The following TNS1 variants were observed in gnomAD, a reference collection of about 807,000 sequenced individuals.
TNS1 encodes tensin 1, also known as tensin-1.
TNS1 carries 62 observed loss-of-function variants against 168.6 expected under a neutral mutation model. The ratio of observed to expected loss-of-function variants is 0.37; its 90% CI spans 0.30 to 0.45. The LOEUF is 0.45. Ranked by LOEUF, TNS1 falls within the 20% of genes least tolerant of loss-of-function variation. TNS1 has a pLI of 1.00. For synonymous variants in TNS1, 934 were observed against 933.2 expected (o/e 1.00, Z -0.02); for missense variants, 2,240 against 2,339.4 (o/e 0.96, Z 0.88).
chr2:217,826,950 AT>A (rs1277502425), intron 22 of TNS1, among the ~76,000 whole-genome samples: 4 of 152,128 alleles, frequency 2.6e-5, no homozygotes, highest in Non-Finnish European at 5.9e-5. Context: ...CCTAACTAAA[AT>A]CAAGACATGT....
chr2:217,929,584 A>G (rs1956208154), intron 3 of TNS1, among the ~76,000 whole-genome samples: 1 of 152,102 alleles, frequency 6.6e-6, no homozygotes, highest in South Asian at 2.1e-4. Context: ...ACCCGTCAGC[A>G]TCCTGGTTTC....
Position 217,913,039 on chromosome 2 carries a change from C to G in TNS1, c.229-5788G>C, listed in dbSNP as rs543006275. On this transcript the variant is annotated intron_variant, in intron 4 of 32. Transcript: ENST00000682258. ...TAAGACCTCTGAGGTCTGCACCTCC[C>G]AGAGCCCTGTGCTCTCCCCTCGCTC... Among the ~76,000 whole-genome samples the G allele has an allele frequency of 5.3e-5, 8 of 152,296 alleles. No individual in the cohort carries two copies. The East Asian group carries it at 1.5e-3, about 29-fold the overall frequency.
intron 21 of TNS1, among the ~76,000 whole-genome samples, chr2:217,834,366 C>A (rs745681634): frequency 6.6e-6 from 1 of 152,258 alleles, no homozygotes; most frequent in Non-Finnish European, 1.5e-5. Context: ...CTGACCCAGG[C>A]CTCTCCTGAG....
chr2:217,810,148 G>T, intron 29 of TNS1, 100 bp downstream of exon 29: 1 of 1,468,620 alleles, frequency 6.8e-7, no homozygotes, highest in Non-Finnish European at 9.4e-7. Context: ...AGAGACATTT[G>T]GGCCTGGAGA....
intron 6 of TNS1, among the ~76,000 whole-genome samples, chr2:217,902,874 G>A (rs1953178936): frequency 6.6e-6 from 1 of 152,174 alleles, no homozygotes; most frequent in Non-Finnish European, 1.5e-5. Context: ...TGCAAAGTTT[G>A]GGGGCACGTG....
intron 22 of TNS1, among the ~76,000 whole-genome samples, chr2:217,828,339 C>T (rs138900930): frequency 6.6e-6 from 1 of 152,330 alleles, no homozygotes; most frequent in African/African-American, 2.4e-5. Flanking sequence ...TGGGTGACAG[C>T]AGATTTAGAG....
chr2:217,863,839 A>G (rs2373223), intron 18 of TNS1, among the ~76,000 whole-genome samples: 20,479 of 152,076 alleles, frequency 0.13, 2,050 homozygotes, highest in East Asian at 0.33. Flanking sequence ...GTCTGGGGAT[A>G]GAGGGAGGAA....
At chr2:217,865,087 G>A (rs1407410509) in intron 18 of TNS1, among the ~76,000 whole-genome samples, 1 of 152,178 alleles carries the variant, frequency 6.6e-6, no homozygotes, top group Non-Finnish European at 1.5e-5. Flanking sequence ...TGCATGAGAG[G>A]TGGTTGTGAG....
chr2:217,861,099 T>A (rs10180875), intron 18 of TNS1, among the ~76,000 whole-genome samples: 4,186 of 152,306 alleles, frequency 0.027, 190 homozygotes, highest in African/African-American at 0.095. Flanking sequence ...TGTACTCAAA[T>A]TCTTCCAGGT....
chr2:217,963,340 T>C (rs1957545617), intron 3 of TNS1, among the ~76,000 whole-genome samples: 1 of 152,118 alleles, frequency 6.6e-6, no homozygotes, highest in Admixed American at 6.5e-5. Flanking sequence ...CCAGACTGCA[T>C]CTAATGACAA....
chr2:218,023,360 G>A (rs775087981), intron 1 of TNS1, among the ~76,000 whole-genome samples: 1 of 152,186 alleles, frequency 6.6e-6, no homozygotes, highest in Non-Finnish European at 1.5e-5. Flanking sequence ...GGGTAATTAT[G>A]CCGGCTCAGG....
intron 6 of TNS1, chr2:217,901,924 A>T (rs1953041707): frequency 6.6e-6 from 1 of 152,372 alleles, no homozygotes; most frequent in Admixed American, 6.5e-5. Context: ...GCTGTCCGGA[A>T]GAAGGCTCTG....
chr2:218,000,718 A>G (rs1332790505), intron 1 of TNS1, among the ~76,000 whole-genome samples: 2 of 152,196 alleles, frequency 1.3e-5, no homozygotes, highest in Non-Finnish European at 1.5e-5. Flanking sequence ...TGGTGCCAGG[A>G]CTGCTTCCTC....
At chr2:217,970,775 G>A (rs1957756738) in intron 3 of TNS1, among the ~76,000 whole-genome samples, 1 of 152,124 alleles carries the variant, frequency 6.6e-6, no homozygotes, top group South Asian at 2.1e-4. Context: ...TTTCCGAGCT[G>A]CTGAAAATCT....
chr2:217,963,988 T>G (rs1362760294), intron 3 of TNS1, among the ~76,000 whole-genome samples: 2 of 151,886 alleles, frequency 1.3e-5, no homozygotes, highest in African/African-American at 4.8e-5. Context: ...TTTGACTGTT[T>G]CCAGTCCAAC....
chr2:217,872,436 C>T (rs1410906418), intron 18 of TNS1, among the ~76,000 whole-genome samples: 2 of 152,148 alleles, frequency 1.3e-5, no homozygotes, highest in African/African-American at 4.8e-5. Flanking sequence ...TCCATAATGG[C>T]CAATTAACAC....
At chr2:217,886,179 G>A in intron 13 of TNS1, 75 bp from the exon 14 acceptor site, 12 of 1,463,278 alleles carry the variant, frequency 8.2e-6, no homozygotes, top group Non-Finnish European at 1.1e-5. Flanking sequence ...ACAGTGAAGG[G>A]AGAAAGAGAG....
Position 217,966,110 on chromosome 2 carries a change from A to T in TNS1, c.186+12655T>A, listed in dbSNP as rs566016169. 7.9e-5 allele frequency among the ~76,000 whole-genome samples: 12 copies of T among 152,098 alleles called. No individual in the cohort carries two copies. The South Asian group carries it at 2.5e-3, about 32-fold the overall frequency. ...CTAACTCCTCTGGTCTCTCAGATGC[A>T]GCAAACCCTTGTGTGATGTTTACAC... On this transcript the variant is annotated intron_variant, in intron 3 of 32. Coordinates refer to ENST00000682258, the MANE Select transcript of TNS1 (RefSeq NM_001387777.1).
chr2:217,821,917 G>A lies in TNS1; in HGVS notation c.3395C>T (p.Ser1132Phe). The change falls in exon 23 of 33, where the codon TCT becomes TTT. Residue 1132 changes from serine to phenylalanine, a missense_variant. Physicochemically the swap from Ser to Phe is radical, Grantham distance 155. Transcript: ENST00000682258. ...TCCAGCCACCGCTGTCCGTGCCACAGACTCCACATAGCTCCGGGGCTCTGG... is the reference window on the plus strand; with the variant it reads ...TCCAGCCACCGCTGTCCGTGCCACAAACTCCACATAGCTCCGGGGCTCTGG... ...PTGEPRSYVESVARTAVAGPR... is the reference protein window; with the variant it reads ...PTGEPRSYVEFVARTAVAGPR... 6.3e-7 allele frequency: 1 copy of A among 1,589,260 alleles called. No individual in the cohort carries two copies. The highest frequency in any genetic ancestry group is 1.2e-5 in the South Asian group (1 of 86,618).
Sources: allele counts gnomAD v4.1 joint callset (sites outside exome capture counted in the v4.1 genomes callset), GRCh38; gene constraint gnomAD v4.1.1; transcripts MANE v1.5; gene names NCBI Gene and HGNC (gene_info 2026-07-23, HGNC 2026-07-21).